VPS26B: variants seen among roughly 807,000 people sequenced by gnomAD.
The protein encoded by VPS26B is VPS26 retromer complex component B.
A neutral mutation model predicts 33.3 loss-of-function variants in VPS26B; 10 were observed. The ratio of observed to expected loss-of-function variants is 0.30; its 90% confidence interval spans 0.19 to 0.51. The LOEUF is 0.51. Among genes scored for constraint, VPS26B ranks in the 20% least tolerant of loss-of-function variants. The pLI is 0.98. For missense variants in VPS26B, 317 were observed against 452.7 expected (o/e 0.70, Z 2.72); for synonymous variants, 190 against 176.9 (o/e 1.07, Z -0.59).
At chr11:134,243,564 A>G (rs1938765415) in intron 4 of VPS26B, 2 of 404,746 alleles carry the variant, frequency 4.9e-6, no homozygotes, top group Non-Finnish European at 4.4e-6. Context: ...TTGAACCTCA[A>G]GCGTCACTTT....
intron 2 of VPS26B, among the ~76,000 whole-genome samples, chr11:134,235,936 G>A (rs536326927): frequency 2.0e-4 from 30 of 152,220 alleles, no homozygotes; most frequent in African/African-American, 6.3e-4. Context: ...TCATAAGATC[G>A]GTTTATCTCC....
At chr11:134,243,474 A>G (rs1377495320) in intron 4 of VPS26B, 180 bp downstream of exon 4, 2 of 704,156 alleles carry the variant, frequency 2.8e-6, no homozygotes, top group Non-Finnish European at 4.6e-6. Context: ...CTGAGTGTGT[A>G]GAACTTGAGG....
At chr11:134,238,744 C>T (rs1045588274) in intron 2 of VPS26B, among the ~76,000 whole-genome samples, 17 of 151,942 alleles carry the variant, frequency 1.1e-4, no homozygotes, top group African/African-American at 2.7e-4. Context: ...TACAGGCGCC[C>T]GCCACCACGC....
At chr11:134,238,741 G>T (rs571282962) in intron 2 of VPS26B, among the ~76,000 whole-genome samples, 2 of 151,850 alleles carry the variant, frequency 1.3e-5, no homozygotes, top group Non-Finnish European at 2.9e-5. Flanking sequence ...GACTACAGGC[G>T]CCCGCCACCA....
In VPS26B at chr11:134,247,423, T is replaced by G. The variant is rs1279789609; in HGVS notation, c.*1833T>G. On this transcript the variant is annotated 3_prime_UTR_variant, in exon 6 of 6. Coordinates refer to ENST00000281187, the MANE Select transcript of VPS26B (RefSeq NM_052875.5). ...GACAACACACGTTCATTTTCCAACC[T>G]TCCTAACATCTTAAACCTTTCTTCT... The G allele has an allele frequency of 6.6e-6, 1 of 152,238 alleles. No homozygotes were observed. The highest frequency in any genetic ancestry group is 1.5e-5 in the Non-Finnish European group (1 of 68,030). The allele number at this position is 152,238 out of a possible 1,614,324, so 9.4% of individuals were successfully genotyped here. A position where few individuals can be genotyped will look rare whatever the true frequency, so the allele number is the denominator to read the frequency against.
rs945844492 is a variant in VPS26B, at chr11:134,233,445, C to T, written c.224-1452C>T. On this transcript the variant is annotated intron_variant, in intron 1 of 5. Coordinates refer to ENST00000281187, the MANE Select transcript of VPS26B (RefSeq NM_052875.5). ...GTCAGTATTAAGAGCTTACCTCGGC[C>T]GGGCACGGTGGCTCGCGCCTGTAAT... 3.9e-5 allele frequency among the ~76,000 whole-genome samples: 6 copies of T among 152,204 alleles called. No individual in the cohort carries two copies. The South Asian group carries it at 6.2e-4, about 16-fold the overall frequency.
chr11:134,227,853 A>G (rs1938501481), intron 1 of VPS26B, among the ~76,000 whole-genome samples: 1 of 152,206 alleles, frequency 6.6e-6, no homozygotes, highest in Non-Finnish European at 1.5e-5. Flanking sequence ...TCACAAATTG[A>G]GTTATCACCC....
Position 134,243,108 on chromosome 11 carries a change from C to A in VPS26B, c.546-11C>A. ...ACCAACATCTTACTTTCTGTACTTTCTGTTCCCCAGATACCACTTGAAAGA... is the reference window on the plus strand; with the variant it reads ...ACCAACATCTTACTTTCTGTACTTTATGTTCCCCAGATACCACTTGAAAGA... On this transcript the variant is annotated splice_polypyrimidine_tract_variant and intron_variant, in intron 3 of 5. Transcript: ENST00000281187. 6.2e-7 allele frequency: 1 copy of A among 1,613,976 alleles called. No individual in the cohort carries two copies. Among genetic ancestry groups the A allele is most frequent in the Non-Finnish European group, 8.5e-7 (1 of 1,179,870 alleles).
Position 134,240,026 on chromosome 11 carries a change from A to G in VPS26B, c.416A>G (p.Asn139Ser), listed in dbSNP as rs147379113. The G allele has an allele frequency of 1.3e-5, 21 of 1,614,040 alleles. No homozygotes were observed. Among genetic ancestry groups the G allele is most frequent in the Non-Finnish European group, 1.4e-5 (17 of 1,180,028 alleles). The change falls in exon 3 of 6, where the codon AAT becomes AGT. Residue 139 changes from asparagine to serine, a missense_variant. By Grantham distance (46) the Asn-to-Ser change is conservative (BLOSUM62 1). Coordinates refer to ENST00000281187, the MANE Select transcript of VPS26B (RefSeq NM_052875.5). The surrounding 1 kb of genome is among the most constrained non-coding windows in gnomAD (Gnocchi z 4.4). ...FLRATISRRL[N>S]DVVKEMDIVV... ...CGTGCTACCATCAGCCGCCGCCTCA[A>G]TGATGTTGTCAAAGAGATGGACATT...
chr11:134,241,672 G>A (rs1938727304), intron 3 of VPS26B, among the ~76,000 whole-genome samples: 1 of 152,236 alleles, frequency 6.6e-6, no homozygotes, highest in Admixed American at 6.5e-5. Context: ...CTGGTCATCA[G>A]TGCATGCCAG....
chr11:134,238,817 G>A (rs991605788), intron 2 of VPS26B, among the ~76,000 whole-genome samples: 2 of 151,786 alleles, frequency 1.3e-5, no homozygotes, highest in Non-Finnish European at 2.9e-5. Flanking sequence ...GGATGGTCTC[G>A]ATCTCCTGAC....
chr11:134,243,460 A>G, intron 4 of VPS26B, 166 bp downstream of exon 4: 1 of 806,864 alleles, frequency 1.2e-6, no homozygotes, highest in Admixed American at 2.9e-5. Context: ...GAAGAAAAGG[A>G]AGGCTGAGTG....
At chr11:134,227,432 C>G (rs1938496031) in intron 1 of VPS26B, among the ~76,000 whole-genome samples, 1 of 152,164 alleles carries the variant, frequency 6.6e-6, no homozygotes, top group Admixed American at 6.5e-5. Flanking sequence ...TGAAAGATAA[C>G]CCAGAATGTC....
intron 3 of VPS26B, among the ~76,000 whole-genome samples, chr11:134,241,287 A>G (rs981088217): frequency 2.2e-4 from 34 of 152,154 alleles, no homozygotes; most frequent in Non-Finnish European, 4.3e-4. Flanking sequence ...CAGATGGCTC[A>G]CCTTTGAAGG....
intron 4 of VPS26B, chr11:134,243,592 C>T: frequency 3.0e-6 from 1 of 328,654 alleles, no homozygotes; most frequent in Non-Finnish European, 5.6e-6. Context: ...CCAGGTTTAG[C>T]AGATGTGGTT....
chr11:134,242,488 C>G lies in VPS26B; in HGVS notation c.546-631C>G, dbSNP rs555606806. On this transcript the variant is annotated intron_variant, in intron 3 of 5. Coordinates refer to ENST00000281187, the MANE Select transcript of VPS26B (RefSeq NM_052875.5). Reference sequence around the variant, plus strand: ...TTTACTCGTTCTCTCATGCCTGATACGGGCTGTGCACATGTAGACTATTGA... The same window carrying G: ...TTTACTCGTTCTCTCATGCCTGATAGGGGCTGTGCACATGTAGACTATTGA... 1.4e-4 allele frequency among the ~76,000 whole-genome samples: 22 copies of G among 152,330 alleles called. No individual in the cohort carries two copies. In the South Asian group the frequency reaches 4.6e-3, roughly 32 times the overall value.
At chr11:134,227,257 A>G (rs1177791551) in intron 1 of VPS26B, among the ~76,000 whole-genome samples, 2 of 152,284 alleles carry the variant, frequency 1.3e-5, no homozygotes, top group African/African-American at 4.8e-5. Flanking sequence ...TGCTACGCAT[A>G]GTAAATAGTC....
At chr11:134,236,357 C>T (rs575179972) in intron 2 of VPS26B, 8 of 152,074 alleles carry the variant, frequency 5.3e-5, no homozygotes, top group Non-Finnish European at 1.0e-4. Flanking sequence ...TTGTCTTAAG[C>T]GTTTGTACGG....
chr11:134,225,717 TAGG>T (rs1252034312), intron 1 of VPS26B, among the ~76,000 whole-genome samples: 2 of 152,176 alleles, frequency 1.3e-5, no homozygotes, highest in African/African-American at 4.8e-5. Context: ...GTGGGTTTGT[TAGG>T]GGGAGACCGC....
Sources: allele counts gnomAD v4.1 joint callset (sites outside exome capture counted in the v4.1 genomes callset), GRCh38; gene constraint gnomAD v4.1.1; non-coding constraint Gnocchi (gnomAD v3.1); transcripts MANE v1.5; gene names NCBI Gene and HGNC (gene_info 2026-07-23, HGNC 2026-07-21).